Variants in KIF26B observed in about 807,000 individuals in gnomAD.
KIF26B encodes kinesin-like protein KIF26B.
In KIF26B, 63 loss-of-function variants were observed where a neutral mutation model predicts 151.2. The observed-to-expected ratio is 0.42, with a 90% confidence interval of 0.34 to 0.51. KIF26B has a LOEUF of 0.51. Among genes scored for constraint, KIF26B ranks in the 20% least tolerant of loss-of-function variants. The pLI is 0.07. For synonymous variants in KIF26B, 1,357 were observed against 1,262.1 expected, an observed-to-expected ratio of 1.08 and a Z score of -1.59; for missense variants, 2,813 against 2,913.6, an observed-to-expected ratio of 0.97 and a Z score of 0.79.
chr1:245,656,793 A>C (rs1199957521), intron 10 of KIF26B, among the ~76,000 whole-genome samples: 2 of 152,132 alleles, frequency 1.3e-5, no homozygotes, highest in African/African-American at 4.8e-5. Flanking sequence ...ATTGAGCATT[A>C]ACAGATTTTT....
chr1:245,673,445 G>A (rs1275028202), intron 10 of KIF26B, among the ~76,000 whole-genome samples: 3 of 152,014 alleles, frequency 2.0e-5, no homozygotes, highest in African/African-American at 4.8e-5. Context: ...CCCGCTGCGC[G>A]CTGCCATCTT....
At chr1:245,309,192 G>A (rs1488248738) in intron 2 of KIF26B, among the ~76,000 whole-genome samples, 1 of 152,172 alleles carries the variant, frequency 6.6e-6, no homozygotes, top group Non-Finnish European at 1.5e-5. Context: ...GGGATTATTA[G>A]TGCCAATAAT....
intron 2 of KIF26B, among the ~76,000 whole-genome samples, chr1:245,324,246 A>G (rs1338117146): frequency 6.6e-6 from 1 of 152,198 alleles, no homozygotes; most frequent in African/African-American, 2.4e-5. Context: ...TGCACAGCTT[A>G]GGCTGAGCAG....
chr1:245,248,833 T>G (rs570054016), intron 2 of KIF26B, among the ~76,000 whole-genome samples: 116 of 152,316 alleles, frequency 7.6e-4, no homozygotes, highest in Non-Finnish European at 9.3e-4. Flanking sequence ...GGAAATCAAG[T>G]GTAAATCAGT....
intron 7 of KIF26B, 141 bp from the exon 8 acceptor site, chr1:245,609,125 C>A (rs765369777): frequency 2.6e-5 from 19 of 734,714 alleles, no homozygotes; most frequent in African/African-American, 5.4e-5. Flanking sequence ...AATACTATTT[C>A]TCTCATCTTT....
chr1:245,332,948 GA>G (rs1486136884), intron 2 of KIF26B, among the ~76,000 whole-genome samples: 2 of 152,174 alleles, frequency 1.3e-5, no homozygotes, highest in Non-Finnish European at 2.9e-5. Flanking sequence ...AAATCCAGCA[GA>G]AAAAGGGCAA....
chr1:245,212,765 C>T (rs1669566015), intron 2 of KIF26B, among the ~76,000 whole-genome samples: 1 of 152,256 alleles, frequency 6.6e-6, no homozygotes, highest in Non-Finnish European at 1.5e-5. Flanking sequence ...AACCGCCCCA[C>T]TTTACCATTC....
chr1:245,233,895 T>C (rs951908031), intron 2 of KIF26B, among the ~76,000 whole-genome samples: 3 of 151,980 alleles, frequency 2.0e-5, no homozygotes, highest in African/African-American at 7.3e-5. Context: ...AGAAATAATG[T>C]TTCGGGCTGG....
intron 4 of KIF26B, among the ~76,000 whole-genome samples, chr1:245,531,469 C>T (rs1168402041): frequency 6.6e-6 from 1 of 151,902 alleles, no homozygotes; most frequent in Non-Finnish European, 1.5e-5. Context: ...CTGCTGGCCT[C>T]CCAGGGCCAG....
intron 2 of KIF26B, among the ~76,000 whole-genome samples, chr1:245,201,362 A>G (rs1326977423): frequency 6.6e-6 from 1 of 152,248 alleles, no homozygotes; most frequent in Non-Finnish European, 1.5e-5. Flanking sequence ...TAACAGTTAG[A>G]TGTTAGTAGA....
intron 10 of KIF26B, among the ~76,000 whole-genome samples, chr1:245,661,586 AAT>A (rs941863886): frequency 2.7e-5 from 4 of 150,848 alleles, no homozygotes; most frequent in African/African-American, 7.3e-5. Flanking sequence ...ACACACCCCC[AAT>A]ATATATATAC....
At chr1:245,331,547 G>A (rs1672116122) in intron 2 of KIF26B, among the ~76,000 whole-genome samples, 2 of 152,262 alleles carry the variant, frequency 1.3e-5, no homozygotes, top group African/African-American at 2.4e-5. Context: ...GTGACACTTC[G>A]TCTCTAAGTG....
chr1:245,693,564 C>T (rs903354742), intron 12 of KIF26B, among the ~76,000 whole-genome samples: 2 of 152,160 alleles, frequency 1.3e-5, no homozygotes, highest in Non-Finnish European at 2.9e-5. Flanking sequence ...TCATTCTAAG[C>T]GCCAGACCCT....
intron 2 of KIF26B, chr1:245,234,396 G>A (rs935216804): frequency 1.3e-5 from 2 of 152,258 alleles, no homozygotes; most frequent in African/African-American, 4.8e-5. Flanking sequence ...CCTGTCAGGG[G>A]GCACAGCCCC....
intron 5 of KIF26B, among the ~76,000 whole-genome samples, chr1:245,586,699 A>C (rs891934450): frequency 4.6e-5 from 7 of 151,524 alleles, no homozygotes; most frequent in African/African-American, 9.7e-5. Flanking sequence ...CTGGCTAACA[A>C]GGTGAAACCC....
At chr1:245,240,076 A>G (rs979601231) in intron 2 of KIF26B, among the ~76,000 whole-genome samples, 4 of 152,148 alleles carry the variant, frequency 2.6e-5, no homozygotes, top group East Asian at 3.9e-4. Context: ...AGGCTGAGGC[A>G]TGAGAACTGC....
In KIF26B at chr1:245,328,716, C is replaced by T. The variant is rs188857443; in HGVS notation, c.466-38118C>T. ...GACACTCATTTTGGCACTGTGACCG[C>T]CCTCCTGGTCACAACGCCTGGTCTC... On this transcript the variant is annotated intron_variant, in intron 2 of 14. Transcript: ENST00000407071. Among the ~76,000 whole-genome samples the T allele has an allele frequency of 2.4e-3, 365 of 152,286 alleles. 2 individuals carry two copies. Among genetic ancestry groups the T allele is most frequent in the African/African-American group, 8.1e-3 (338 of 41,560 alleles).
chr1:245,648,935 G>A (rs1197481041), intron 10 of KIF26B, among the ~76,000 whole-genome samples: 4 of 152,212 alleles, frequency 2.6e-5, no homozygotes, highest in East Asian at 3.9e-4. Context: ...TGTTGATGGC[G>A]TGGGTACAGA....
At chr1:245,608,693 A>G (rs956891098) in intron 7 of KIF26B, among the ~76,000 whole-genome samples, 4 of 152,044 alleles carry the variant, frequency 2.6e-5, no homozygotes, top group African/African-American at 9.7e-5. Flanking sequence ...ATAGCATGTG[A>G]TATTTGGGGT....
Sources: gnomAD v4.1 joint callset for allele counts (sites outside exome capture counted in the v4.1 genomes callset) on GRCh38, gnomAD v4.1.1 for gene constraint, MANE v1.5 for transcripts, NCBI Gene and HGNC (gene_info 2026-07-23, HGNC 2026-07-21) for gene names.